The following EXOC2 variants were observed in gnomAD, a reference collection of about 807,000 sequenced individuals.
EXOC2 encodes the protein exocyst complex component 2.
In EXOC2, 70 loss-of-function variants were observed where a neutral mutation model predicts 131.8. The ratio of observed to expected loss-of-function variants is 0.53; its 90% CI spans 0.44 to 0.65. The LOEUF is 0.65. Among genes scored for constraint, EXOC2 ranks in the 30% least tolerant of loss-of-function variants. The probability of loss-of-function intolerance (pLI) is 0.00; values close to 1 mark genes in which losing one functional copy is unlikely to be tolerated. For synonymous variants in EXOC2, 411 were observed against 398.4 expected, an observed-to-expected ratio of 1.03 and a Z score of -0.38; for missense variants, 923 against 1,108.6, an observed-to-expected ratio of 0.83 and a Z score of 2.38.
At chr6:676,292 ACT>A (rs771044497) in intron 1 of EXOC2, among the ~76,000 whole-genome samples, 357 of 101,286 alleles carry the variant, frequency 3.5e-3, no homozygotes, top group Non-Finnish European at 4.1e-3. Flanking sequence ...TCCTCTGGAG[ACT>A]CTGCGGTTCC....
intron 11 of EXOC2, among the ~76,000 whole-genome samples, chr6:578,310 C>A (rs976443843): frequency 2.0e-5 from 3 of 152,198 alleles, no homozygotes; most frequent in African/African-American, 7.2e-5. Flanking sequence ...TTATTGAGCT[C>A]CCTCCCGCAT....
At chr6:524,798 C>A (rs1765654491) in intron 23 of EXOC2, 1 of 152,138 alleles carries the variant, frequency 6.6e-6, no homozygotes, top group Non-Finnish European at 1.5e-5. Context: ...AATCAAAAGT[C>A]AAAACCCAAA....
At chr6:690,791 A>G (rs986859047) in intron 1 of EXOC2, among the ~76,000 whole-genome samples, 1 of 152,244 alleles carries the variant, frequency 6.6e-6, no homozygotes, top group East Asian at 1.9e-4. Flanking sequence ...TAATATAAAC[A>G]TACTCTAAAG....
intron 4 of EXOC2, among the ~76,000 whole-genome samples, chr6:625,523 T>A (rs1349625408): frequency 8.5e-6 from 1 of 117,570 alleles, no homozygotes; most frequent in Non-Finnish European, 1.6e-5. Context: ...CCGTTCTTTT[T>A]TTTTTTTTTT....
intron 21 of EXOC2, 73 bp from the exon 22 acceptor site, chr6:549,364 G>C (rs2473490): frequency 2.8e-6 from 3 of 1,088,370 alleles, no homozygotes; most frequent in Non-Finnish European, 4.2e-6. Flanking sequence ...CACTTGTCAA[G>C]TTTAATTATA....
At chr6:544,904 T>C (rs1006327666) in intron 22 of EXOC2, among the ~76,000 whole-genome samples, 33 of 152,046 alleles carry the variant, frequency 2.2e-4, no homozygotes, top group African/African-American at 7.7e-4. Flanking sequence ...TCCCAGCACT[T>C]TGGGAGGCCG....
rs548807087 is a variant in EXOC2 at position 636,678 on chromosome 6, C to G, written c.118+1023G>C. On this transcript the variant is annotated intron_variant, in intron 2 of 27. Coordinates refer to ENST00000230449, the MANE Select transcript of EXOC2 (RefSeq NM_018303.6). ...CTCCGTCATCAGTGCAGAAATGAGT[C>G]AAGAGAATGTCTGAGTCCAGAAGAA... 5.9e-5 allele frequency among the ~76,000 whole-genome samples: 9 copies of G among 152,154 alleles called. 1 individual carries two copies. Among genetic ancestry groups the G allele is most frequent in the Non-Finnish European group, 1.3e-4 (9 of 68,032 alleles).
At chr6:557,458 A>G (rs1324642763) in intron 17 of EXOC2, among the ~76,000 whole-genome samples, 1 of 151,904 alleles carries the variant, frequency 6.6e-6, no homozygotes, top group African/African-American at 2.4e-5. Flanking sequence ...TCTCTACTAA[A>G]AATACAAAAA....
intron 23 of EXOC2, among the ~76,000 whole-genome samples, chr6:523,443 T>C (rs1765585099): frequency 6.6e-6 from 1 of 152,274 alleles, no homozygotes; most frequent in Non-Finnish European, 1.5e-5. Flanking sequence ...GTGCTTTGTA[T>C]AGTATAGACT....
At chr6:633,771 C>T (rs941256092) in intron 2 of EXOC2, among the ~76,000 whole-genome samples, 1 of 152,164 alleles carries the variant, frequency 6.6e-6, no homozygotes, top group Non-Finnish European at 1.5e-5. Flanking sequence ...ACTGTCACTA[C>T]ACTACATTCT....
chr6:691,152 A>C (rs1022231555), intron 1 of EXOC2, among the ~76,000 whole-genome samples: 1 of 152,148 alleles, frequency 6.6e-6, no homozygotes, highest in African/African-American at 2.4e-5. Flanking sequence ...AGAAATATTA[A>C]AAGTTCTTTG....
chr6:497,210 C>T (rs74429850), intron 25 of EXOC2, among the ~76,000 whole-genome samples, 157 bp downstream of exon 25: 6,421 of 152,298 alleles, frequency 0.042, 207 homozygotes, highest in Non-Finnish European at 0.066. Flanking sequence ...GTAGACAATG[C>T]TTCATGGGTA....
intron 1 of EXOC2, among the ~76,000 whole-genome samples, chr6:645,232 G>A (rs1353442083): frequency 2.7e-5 from 4 of 147,694 alleles, no homozygotes; most frequent in Admixed American, 2.7e-4. Flanking sequence ...AAACTGGATA[G>A]CTACATAAAA....
At chr6:551,464 G>A (rs191014372) in intron 21 of EXOC2, among the ~76,000 whole-genome samples, 1 of 152,342 alleles carries the variant, frequency 6.6e-6, no homozygotes, top group East Asian at 1.9e-4. Context: ...AACCTGCAGA[G>A]ACACATGTGA....
intron 17 of EXOC2, among the ~76,000 whole-genome samples, chr6:560,096 T>G (rs543704078): frequency 9.9e-5 from 15 of 152,204 alleles, no homozygotes; most frequent in Non-Finnish European, 1.5e-4. Context: ...CACAGTAAAC[T>G]TCATGTATTA....
chr6:559,487 A>G (rs1443501178), intron 17 of EXOC2, among the ~76,000 whole-genome samples: 1 of 152,212 alleles, frequency 6.6e-6, no homozygotes, highest in Admixed American at 6.5e-5. Flanking sequence ...ACCTCTGGCT[A>G]GACAATGTCT....
chr6:565,005 CAA>C (rs1757901035), intron 13 of EXOC2, 76 bp from the exon 14 acceptor site: 4 of 1,113,410 alleles, frequency 3.6e-6, no homozygotes, highest in Non-Finnish European at 5.0e-6. Flanking sequence ...ACTTGTACAT[CAA>C]GAGAACATTA....
chr6:537,041 T>A (rs904703586), intron 22 of EXOC2, among the ~76,000 whole-genome samples: 1 of 152,148 alleles, frequency 6.6e-6, no homozygotes, highest in Non-Finnish European at 1.5e-5. Context: ...CAAGAAAAGG[T>A]GCTTAACATC....
chr6:490,006 G>C (rs1051951991), intron 26 of EXOC2, among the ~76,000 whole-genome samples: 1 of 152,154 alleles, frequency 6.6e-6, no homozygotes, highest in Non-Finnish European at 1.5e-5. Context: ...CACATTCAGC[G>C]GCCTCTTTCC....
Sources: gnomAD v4.1 joint callset for allele counts (sites outside exome capture counted in the v4.1 genomes callset) on GRCh38, gnomAD v4.1.1 for gene constraint, MANE v1.5 for transcripts, NCBI Gene and HGNC (gene_info 2026-07-23, HGNC 2026-07-21) for gene names.